RYR1: variants seen among roughly 807,000 people sequenced by gnomAD.
RYR1 encodes the protein central core disease of muscle.
RYR1 carries 342 observed loss-of-function variants against 583.5 expected under a neutral mutation model. The observed-to-expected ratio is 0.59, with a 90% confidence interval of 0.54 to 0.64. RYR1 has a LOEUF of 0.64. Among genes scored for constraint, RYR1 ranks in the 30% least tolerant of loss-of-function variants. RYR1 has a pLI of 0.00. For synonymous variants in RYR1, 2,791 were observed against 2,822.5 expected (o/e 0.99, Z 0.35); for missense variants, 6,032 against 6,917.2 (o/e 0.87, Z 4.54).
At position 38,444,140 on chromosome 19, in the gene RYR1, C is replaced by T; in HGVS notation, c.425-9C>T. The T allele has an allele frequency of 6.2e-7, 1 of 1,611,136 alleles. No individual in the cohort carries two copies. Among genetic ancestry groups the T allele is most frequent in the Non-Finnish European group, 8.5e-7 (1 of 1,177,340 alleles). On this transcript the variant is annotated splice_polypyrimidine_tract_variant and intron_variant, in intron 5 of 105. Coordinates refer to ENST00000359596, the MANE Select transcript of RYR1 (RefSeq NM_000540.3). This position sits in a 1 kb window ranked among gnomAD's most constrained non-coding sequence, Gnocchi z 5.1. ...CTGACAGCCACCCCCATTCCATCCC[C>T]ACCCATAGGAGAGGCTTGCTGGTGG...
At chr19:38,537,704 C>T (rs965577761) in intron 83 of RYR1, among the ~76,000 whole-genome samples, 176 bp from the exon 84 acceptor site, 1 of 152,190 alleles carries the variant, frequency 6.6e-6, no homozygotes. Flanking sequence ...AGGTCAAGAC[C>T]GCCTGGCGTC....
At chr19:38,578,953 T>C (rs1313342973) in intron 99 of RYR1, among the ~76,000 whole-genome samples, 1 of 151,616 alleles carries the variant, frequency 6.6e-6, no homozygotes, top group African/African-American at 2.4e-5. Context: ...AAACCCTGTC[T>C]CTACAAACAA....
chr19:38,579,500 C>T (rs1215964392), intron 99 of RYR1, among the ~76,000 whole-genome samples: 2 of 151,000 alleles, frequency 1.3e-5, no homozygotes, highest in Non-Finnish European at 3.0e-5. Context: ...GGCTTAGCCT[C>T]CTTCACTTGA....
In RYR1 at chr19:38,455,310, G is replaced by A. The variant is rs770970932; in HGVS notation, c.1516G>A (p.Ala506Thr). The A allele has an allele frequency of 2.4e-5, 38 of 1,614,112 alleles. No individual in the cohort carries two copies. The highest frequency in any genetic ancestry group is 1.6e-4 in the Middle Eastern group (1 of 6,062). The stretch of plus-strand genomic sequence containing the variant: ...CACTGCTGCCCACTTTGCTGAGTTT[G>A]CAGGGGAGGAGGCAGCCGAGTCCTG... ...YTTAAHFAEF[A>T]GEEAAESWKE... The change falls in exon 14 of 106, where the codon GCA (alanine) becomes ACA (threonine). Residue 506 changes from alanine (A) to threonine (T), a missense_variant. Ala to Thr is a moderately conservative substitution (Grantham distance 58). Around this residue, in one of 11 missense-constraint regions of RYR1, gnomAD observed 2,627 missense variants for 2,961.3 expected, o/e 0.89. Coordinates refer to ENST00000359596, the MANE Select transcript of RYR1 (RefSeq NM_000540.3).
At chr19:38,507,549 G>C (rs945250404) in intron 57 of RYR1, among the ~76,000 whole-genome samples, 163 bp from the exon 58 acceptor site, 1 of 151,274 alleles carries the variant, frequency 6.6e-6, no homozygotes, top group African/African-American at 2.4e-5. Flanking sequence ...AGGGGAGAAG[G>C]CTAAGTGGGG....
chr19:38,483,208 A>G lies in RYR1; in HGVS notation c.4708-82A>G. 1 of 1,587,854 alleles carries G rather than the reference A, an allele frequency of 6.3e-7. No individual in the cohort carries two copies. The highest frequency in any genetic ancestry group is 8.6e-7 in the Non-Finnish European group (1 of 1,159,820). On this transcript the variant is annotated intron_variant, in intron 32 of 105. Transcript: ENST00000359596. This position sits in a 1 kb window ranked among gnomAD's most constrained non-coding sequence, Gnocchi z 6.3. ...CAGAGCCACTGAAGGGGAGGGGGCA[A>G]TCCAAGAGGTCTCCCTGGAAGTGGT...
At chr19:38,478,838 G>A (rs1968875180) in intron 31 of RYR1, among the ~76,000 whole-genome samples, 1 of 152,184 alleles carries the variant, frequency 6.6e-6, no homozygotes, top group Non-Finnish European at 1.5e-5. Flanking sequence ...GACGATCTTG[G>A]CTCACTGCAA....
Position 38,494,239 on chromosome 19 carries a change from T to G in RYR1, c.6275-113T>G, listed in dbSNP as rs1198976176. On this transcript the variant is annotated intron_variant, in intron 38 of 105. Coordinates refer to ENST00000359596, the MANE Select transcript of RYR1 (RefSeq NM_000540.3). ...AGCAGGTGGAGGGCGCAGGTGGTAGTAACTGGGAAAACTTCTGGAACAGGG... is the reference window on the plus strand; with the variant it reads ...AGCAGGTGGAGGGCGCAGGTGGTAGGAACTGGGAAAACTTCTGGAACAGGG... 3.1e-6 allele frequency: 4 copies of G among 1,271,948 alleles called. No individual in the cohort carries two copies. In the African/African-American group the frequency reaches 5.9e-5, roughly 19 times the overall value. 78.8% of individuals were successfully genotyped at this position (1,271,948 alleles called of 1,614,324 possible).
chr19:38,510,449 G>T, intron 58 of RYR1, 49 bp from the exon 59 acceptor site: 1 of 1,603,240 alleles, frequency 6.2e-7, no homozygotes, highest in Non-Finnish European at 8.5e-7. Context: ...GAACACCCTG[G>T]GTTCCCCAGC....
intron 34 of RYR1, 100 bp from the exon 35 acceptor site, chr19:38,489,077 G>A: frequency 9.7e-7 from 1 of 1,030,998 alleles, no homozygotes; most frequent in Non-Finnish European, 1.5e-6. Context: ...ATGCAGGAAT[G>A]ATTGGCATGT....
intron 63 of RYR1, among the ~76,000 whole-genome samples, chr19:38,514,704 C>T (rs914561846): frequency 6.6e-6 from 1 of 152,144 alleles, no homozygotes; most frequent in African/African-American, 2.4e-5. Context: ...CATGAGTCCT[C>T]TCCACGGAAG....
chr19:38,547,805 C>G (rs1972498400), intron 88 of RYR1, among the ~76,000 whole-genome samples: 1 of 151,730 alleles, frequency 6.6e-6, no homozygotes. Flanking sequence ...CCTCCGCCTC[C>G]CAGGTTCAAG....
Position 38,561,006 on chromosome 19 carries a change from A to G in RYR1, c.12283-107A>G. 9.8e-7 allele frequency: 1 copy of G among 1,024,548 alleles called. No individual in the cohort carries two copies. Among genetic ancestry groups the G allele is most frequent in the Non-Finnish European group, 1.4e-6 (1 of 692,912 alleles). The allele number at this position is 1,024,548 out of a possible 1,614,324, so 63.5% of individuals were successfully genotyped here. ...GGTTGAGCTGTGATTGCGCCACTGC[A>G]CTCCAGCCTGGGCGACACAGCGAGA... is the stretch of plus-strand genomic sequence containing the variant. On this transcript the variant is annotated intron_variant, in intron 89 of 105. Coordinates refer to ENST00000359596, the MANE Select transcript of RYR1 (RefSeq NM_000540.3). The surrounding 1 kb of genome is among the most constrained non-coding windows in gnomAD (Gnocchi z 4.8).
intron 2 of RYR1, among the ~76,000 whole-genome samples, chr19:38,441,618 C>T (rs1041587066): frequency 1.3e-5 from 2 of 150,976 alleles, no homozygotes; most frequent in African/African-American, 4.9e-5. Flanking sequence ...GGTCAGGGGA[C>T]ACCCGCAGGG....
At chr19:38,576,160 G>A (rs1973948149) in intron 97 of RYR1, among the ~76,000 whole-genome samples, 199 bp downstream of exon 97, 1 of 152,022 alleles carries the variant, frequency 6.6e-6, no homozygotes, top group Non-Finnish European at 1.5e-5. Context: ...CATGGAAAGA[G>A]CAGAGCATCA....
At chr19:38,560,102 G>A (rs1973058190) in intron 89 of RYR1, among the ~76,000 whole-genome samples, 1 of 152,182 alleles carries the variant, frequency 6.6e-6, no homozygotes, top group South Asian at 2.1e-4. Flanking sequence ...GGTGATTTAT[G>A]CTTGTAATCC....
intron 97 of RYR1, among the ~76,000 whole-genome samples, chr19:38,576,882 C>A (rs1469179994): frequency 6.6e-6 from 1 of 151,980 alleles, no homozygotes; most frequent in Non-Finnish European, 1.5e-5. Context: ...AGATTGCCTG[C>A]TTTTCTTTTG....
intron 76 of RYR1, among the ~76,000 whole-genome samples, chr19:38,532,156 C>T (rs112437346): frequency 6.1e-5 from 9 of 147,928 alleles, no homozygotes; most frequent in East Asian, 2.0e-4. Flanking sequence ...GAGTCTTGCT[C>T]TGTCACCCAG....
intron 83 of RYR1, 156 bp downstream of exon 83, chr19:38,536,923 G>T (rs2145752914): frequency 1.4e-6 from 1 of 727,696 alleles, no homozygotes; most frequent in South Asian, 1.6e-5. Context: ...TGGAGATCAG[G>T]AGTCTGGGGA....
Sources: allele counts gnomAD v4.1 joint callset (sites outside exome capture counted in the v4.1 genomes callset), GRCh38; gene constraint gnomAD v4.1.1; regional missense constraint gnomAD v4.1.1; non-coding constraint Gnocchi (gnomAD v3.1); transcripts MANE v1.5; gene names NCBI Gene and HGNC (gene_info 2026-07-23, HGNC 2026-07-21).